The following FGD3 variants were observed in gnomAD, a reference collection of about 807,000 sequenced individuals.
FGD3 encodes the protein FYVE, RhoGEF and PH domain-containing protein 3.
Under a neutral mutation model 71.8 loss-of-function variants are expected in FGD3, and 45 were observed. The observed-to-expected ratio is 0.63, with a 90% CI of 0.49 to 0.80. FGD3 has a LOEUF of 0.80. Among genes scored for constraint, FGD3 ranks in the 30% least tolerant of loss-of-function variants. FGD3 has a pLI of 0.00. For synonymous variants in FGD3, 378 were observed against 392.8 expected (o/e 0.96, Z 0.44); for missense variants, 844 against 951.5 (o/e 0.89, Z 1.49).
Position 92,989,329 on chromosome 9 carries a change from G to A in FGD3, c.453+12620G>A, listed in dbSNP as rs1003730871. Reference sequence around the variant, plus strand: ...CTCCCAAAGTGCTGGGATTACAGGCGTGATCCACCGCGCCTGGCCAACCCC... The same window carrying A: ...CTCCCAAAGTGCTGGGATTACAGGCATGATCCACCGCGCCTGGCCAACCCC... On this transcript the variant is annotated intron_variant, in intron 3 of 17. Coordinates refer to ENST00000375482, the MANE Select transcript of FGD3 (RefSeq NM_001083536.2). Among the ~76,000 whole-genome samples the A allele has an allele frequency of 4.6e-5, 7 of 152,152 alleles. No individual in the cohort carries two copies. The South Asian group carries it at 6.2e-4, about 13-fold the overall frequency.
chr9:92,977,724 C>T (rs1364894022), intron 3 of FGD3, among the ~76,000 whole-genome samples: 1 of 152,120 alleles, frequency 6.6e-6, no homozygotes, highest in African/African-American at 2.4e-5. Context: ...AGCCCAGGGT[C>T]AGTCAGAAGG....
Position 93,035,501 on chromosome 9 carries a change from C to T in FGD3, c.2090C>T (p.Thr697Ile). The T allele has an allele frequency of 1.9e-6, 3 of 1,613,118 alleles. No homozygotes were observed. Among genetic ancestry groups the T allele is most frequent in the Non-Finnish European group, 1.7e-6 (2 of 1,179,970 alleles). Reference sequence around the variant, plus strand: ...GAGCTGCAGCAGCAGTGGCTGGAAACCCTAAGCACTGCTGCCCATGGGGAC... The same window carrying T: ...GAGCTGCAGCAGCAGTGGCTGGAAATCCTAAGCACTGCTGCCCATGGGGAC... ...SAELQQQWLE[T>I]LSTAAHGDTA... is the part of the protein sequence containing the mutation. The change falls in exon 18 of 18, where the codon ACC (threonine) becomes ATC (isoleucine). Residue 697 changes from threonine to isoleucine, a missense_variant. Physicochemically the swap from Thr to Ile is moderately conservative, Grantham distance 89. Transcript: ENST00000375482.
At chr9:93,011,119 G>A in intron 7 of FGD3, 95 bp from the exon 8 acceptor site, 4 of 1,275,610 alleles carry the variant, frequency 3.1e-6, no homozygotes, top group Non-Finnish European at 4.6e-6. Context: ...GGCAGAGACA[G>A]ATCCTCTCTC....
chr9:93,023,174 C>G (rs1861990950), intron 14 of FGD3, among the ~76,000 whole-genome samples: 1 of 152,196 alleles, frequency 6.6e-6, no homozygotes, highest in Admixed American at 6.5e-5. Flanking sequence ...CGCCTCACCC[C>G]ATGCTGTGCA....
At position 93,028,210 on chromosome 9, in the gene FGD3, A is replaced by ACACACG. The variant is rs1554740269; in HGVS notation, c.1558-1659_1558-1658insGCACAC. 5.1e-3 allele frequency among the ~76,000 whole-genome samples: 602 copies of ACACACG among 118,688 alleles called. 11 individuals are homozygous for ACACACG. Among genetic ancestry groups the ACACACG allele is most frequent in the African/African-American group, 0.02 (542 of 27,020 alleles). The allele number at this position is 118,688 out of a possible 152,430, so 77.9% of individuals were successfully genotyped here. The stretch of plus-strand genomic sequence containing the variant: ...GCCCCTAGCCCCGACACACACACAC[A>ACACACG]CACACACGCACACACACACACACAC... On this transcript the variant is annotated intron_variant, in intron 14 of 17. Coordinates refer to ENST00000375482, the MANE Select transcript of FGD3 (RefSeq NM_001083536.2).
intron 1 of FGD3, among the ~76,000 whole-genome samples, chr9:92,957,047 T>A (rs569234789): frequency 6.6e-6 from 1 of 152,292 alleles, no homozygotes; most frequent in South Asian, 2.1e-4. Context: ...TATTGCTGGA[T>A]CCTGTTCCAT....
intron 3 of FGD3, among the ~76,000 whole-genome samples, chr9:92,997,412 C>T (rs2118674206): frequency 6.6e-6 from 1 of 152,252 alleles, no homozygotes; most frequent in South Asian, 2.1e-4. Flanking sequence ...ATTGATGGGT[C>T]TTGACTCTTT....
intron 14 of FGD3, 98 bp from the exon 15 acceptor site, chr9:93,029,776 G>T (rs1231874736): frequency 6.7e-7 from 1 of 1,492,374 alleles, no homozygotes; most frequent in Non-Finnish European, 9.1e-7. Context: ...TTGAGCCTGT[G>T]TGGCTTTTAC....
chr9:93,015,556 TAG>T (rs1361538807), intron 9 of FGD3, 179 bp from the exon 10 acceptor site: 1 of 461,736 alleles, frequency 2.2e-6, no homozygotes, highest in Non-Finnish European at 3.9e-6. Flanking sequence ...AGCTAGCGAC[TAG>T]AGTCTCCTCA....
rs369845413 is a variant in FGD3, at chr9:92,947,670, G to C, written c.-277G>C. On this transcript the variant is annotated 5_prime_UTR_variant, in exon 1 of 18. Transcript: ENST00000375482. ...GTATCGAGTTTGCCTGTGCGGAGCT[G>C]GGGGAGCCTCCGGCTTTCCTGTTTG... The C allele has an allele frequency of 6.6e-6, 1 of 152,308 alleles. No homozygotes were observed. The allele number at this position is 152,308 out of a possible 1,614,324, so 9.4% of individuals were successfully genotyped here. A position where few individuals can be genotyped will look rare whatever the true frequency, so the allele number is the denominator to read the frequency against.
intron 3 of FGD3, among the ~76,000 whole-genome samples, chr9:92,992,069 GC>G (rs781757007): frequency 1.3e-5 from 2 of 152,152 alleles, no homozygotes; most frequent in Non-Finnish European, 2.9e-5. Flanking sequence ...CTTGTGGACA[GC>G]ATATAGTTGG....
chr9:92,962,939 C>CAAAAA (rs982916623), intron 1 of FGD3, among the ~76,000 whole-genome samples: 5 of 105,976 alleles, frequency 4.7e-5, no homozygotes, highest in Admixed American at 9.5e-5. Context: ...GGCTCCGTCT[C>CAAAAA]AAAAAAAAAA....
In FGD3 at chr9:93,003,291, G is replaced by A. The variant is rs186090338; in HGVS notation, c.543+277G>A. Among the ~76,000 whole-genome samples the A allele has an allele frequency of 1.4e-3, 211 of 152,158 alleles. No individual in the cohort carries two copies. Among genetic ancestry groups the A allele is most frequent in the African/African-American group, 4.7e-3 (195 of 41,502 alleles). On this transcript the variant is annotated intron_variant, in intron 4 of 17. Transcript: ENST00000375482. This position sits in a 1 kb window ranked among gnomAD's most constrained non-coding sequence, Gnocchi z 4.1. ...CTACAGGCACATGCCACCACGCCCA[G>A]CTAATTTTTGTATTTATAGTAGAGA...
At chr9:93,018,107 T>C in intron 10 of FGD3, 29 bp from the exon 11 acceptor site, 2 of 1,608,662 alleles carry the variant, frequency 1.2e-6, no homozygotes, top group Non-Finnish European at 8.5e-7. Flanking sequence ...AGCTTGGGTT[T>C]GCTTTGTTCT....
At chr9:93,022,435 A>G (rs1554739223) in intron 14 of FGD3, 46 bp downstream of exon 14, 2 of 1,596,362 alleles carry the variant, frequency 1.3e-6, no homozygotes, top group Admixed American at 3.3e-5. Context: ...AAGGCAGAGC[A>G]GGGGGTCAGA....
At chr9:93,026,645 T>C (rs1319914572) in intron 14 of FGD3, among the ~76,000 whole-genome samples, 2 of 152,220 alleles carry the variant, frequency 1.3e-5, no homozygotes, top group Non-Finnish European at 2.9e-5. Context: ...TGAGCCACAC[T>C]CACTGCTTCC....
rs1339616511 is a variant in FGD3 at position 92,999,376 on chromosome 9, C to T, written c.454-3549C>T. On this transcript the variant is annotated intron_variant, in intron 3 of 17. Transcript: ENST00000375482. Reference sequence around the variant, plus strand: ...ATTTTCCAGGTACCGTCTGTCACGGCTTCCCTTTGCTAGGAAAGGGAATTC... The same window carrying T: ...ATTTTCCAGGTACCGTCTGTCACGGTTTCCCTTTGCTAGGAAAGGGAATTC... Among the ~76,000 whole-genome samples the T allele has an allele frequency of 9.2e-5, 14 of 152,272 alleles. No homozygotes were observed. In the East Asian group the frequency reaches 2.3e-3, roughly 25 times the overall value.
At chr9:92,957,024 G>T (rs375920467) in intron 1 of FGD3, among the ~76,000 whole-genome samples, 7 of 151,964 alleles carry the variant, frequency 4.6e-5, no homozygotes, top group Non-Finnish European at 1.0e-4. Flanking sequence ...TATATCAGTG[G>T]CTTACTCCTT....
intron 9 of FGD3, among the ~76,000 whole-genome samples, chr9:93,014,523 GTTT>G (rs34867489): frequency 1.3e-5 from 2 of 151,060 alleles, no homozygotes; most frequent in Non-Finnish European, 2.9e-5. Context: ...TCTTTGAAAG[GTTT>G]TTTTTTAAGT....
Sources: gnomAD v4.1 joint callset for allele counts (sites outside exome capture counted in the v4.1 genomes callset) on GRCh38, gnomAD v4.1.1 for gene constraint, Gnocchi (gnomAD v3.1) non-coding constraint, MANE v1.5 for transcripts, NCBI Gene and HGNC (gene_info 2026-07-23, HGNC 2026-07-21) for gene names.